DGKB: variants seen among roughly 807,000 people sequenced by gnomAD.
The protein encoded by DGKB is diacylglycerol kinase beta.
Under a neutral mutation model 114.3 loss-of-function variants are expected in DGKB, and 67 were observed. The ratio of observed to expected loss-of-function variants is 0.59; its 90% CI spans 0.48 to 0.72. The LOEUF (loss-of-function observed/expected upper bound fraction) is 0.72, where lower values mean the gene tolerates loss of function less well. Ranked by LOEUF, DGKB falls within the 30% of genes least tolerant of loss-of-function variation. The pLI is 0.00. For missense variants in DGKB, 907 were observed against 975.2 expected, an observed-to-expected ratio of 0.93 and a Z score of 0.93; for synonymous variants, 398 against 323.1, an observed-to-expected ratio of 1.23 and a Z score of -2.49.
chr7:14,802,996 G>T (rs1356869667), intron 2 of DGKB, among the ~76,000 whole-genome samples: 1 of 151,852 alleles, frequency 6.6e-6, no homozygotes, highest in Non-Finnish European at 1.5e-5. Context: ...AATAAACAAA[G>T]CACGTAAGGA....
intron 2 of DGKB, among the ~76,000 whole-genome samples, chr7:14,805,360 A>G (rs1842668687): frequency 6.6e-6 from 1 of 152,084 alleles, no homozygotes; most frequent in African/African-American, 2.4e-5. Flanking sequence ...GATTAGTGTA[A>G]GATTCTAGCT....
chr7:14,172,846 C>T (rs1781209597), intron 25 of DGKB, among the ~76,000 whole-genome samples: 1 of 152,040 alleles, frequency 6.6e-6, no homozygotes, highest in African/African-American at 2.4e-5. Flanking sequence ...CCACTCTATT[C>T]CCTCTACCCT....
rs1268016795 is a variant in DGKB, at chr7:14,231,078, TTTCC to T, written c.2123-52931_2123-52928del. ...AAGCAAGGTTAAAAATTCTTTCTTC[TTTCC>T]CTTTCTTTCTTTCTTTCTTTCTTTC... On this transcript the variant is annotated intron_variant, in intron 23 of 25. Transcript: ENST00000402815. Among the ~76,000 whole-genome samples the T allele has an allele frequency of 1.0e-4, 15 of 149,774 alleles. No homozygotes were observed. In the East Asian group the frequency reaches 1.6e-3, roughly 16 times the overall value.
At position 14,412,368 on chromosome 7, in the gene DGKB, A is replaced by T. The variant is rs528983671; in HGVS notation, c.1835+65793T>A. 1.4e-4 allele frequency among the ~76,000 whole-genome samples: 21 copies of T among 152,336 alleles called. No homozygotes were observed. In the East Asian group the frequency reaches 4.1e-3, roughly 29 times the overall value. The stretch of plus-strand genomic sequence containing the variant: ...GCTACAAAGGGACAATGTGATGTGG[A>T]AGAATGTAACAGGCACATTGACTTT... On this transcript the variant is annotated intron_variant, in intron 21 of 25. Transcript: ENST00000402815.
intron 2 of DGKB, among the ~76,000 whole-genome samples, chr7:14,779,719 G>A (rs1464962666): frequency 6.6e-6 from 1 of 151,962 alleles, no homozygotes; most frequent in African/African-American, 2.4e-5. Flanking sequence ...TGCTATAAAA[G>A]GTGAGAAATA....
In DGKB at chr7:14,145,081, G is replaced by A. The variant is rs998463768; in HGVS notation, c.*4050C>T. On this transcript the variant is annotated 3_prime_UTR_variant, in exon 26 of 26. Coordinates refer to ENST00000402815, the MANE Select transcript of DGKB (RefSeq NM_001350709.2). Reference sequence around the variant, plus strand: ...TTAACGTTTTTATTTCAAAAAACAGGATATTGTATATATCATTTCTGAGAA... The same window carrying A: ...TTAACGTTTTTATTTCAAAAAACAGAATATTGTATATATCATTTCTGAGAA... 1 of 152,006 alleles carries A rather than the reference G, an allele frequency of 6.6e-6. No individual in the cohort carries two copies. The highest frequency in any genetic ancestry group is 1.5e-5 in the Non-Finnish European group (1 of 68,002). 9.4% of individuals were successfully genotyped at this position (152,006 alleles called of 1,614,324 possible). A position where few individuals can be genotyped will look rare whatever the true frequency, so the allele number is the denominator to read the frequency against.
intron 2 of DGKB, among the ~76,000 whole-genome samples, chr7:14,793,654 A>G (rs73068688): frequency 0.11 from 16,710 of 152,184 alleles, 945 homozygotes; most frequent in South Asian, 0.14. Flanking sequence ...GTTTATGAAG[A>G]GTATATGCAT....
intron 23 of DGKB, among the ~76,000 whole-genome samples, chr7:14,197,443 C>T (rs1785190626): frequency 6.6e-6 from 1 of 151,802 alleles, no homozygotes; most frequent in African/African-American, 2.4e-5. Context: ...TTGATTGCTG[C>T]AGCTGTTCCC....
chr7:14,254,046 A>G (rs1317112453), intron 23 of DGKB, among the ~76,000 whole-genome samples: 1 of 152,206 alleles, frequency 6.6e-6, no homozygotes, highest in African/African-American at 2.4e-5. Flanking sequence ...TGCTGATACA[A>G]ACTTGTGAAG....
intron 25 of DGKB, among the ~76,000 whole-genome samples, chr7:14,150,406 A>G (rs1782019278): frequency 6.6e-6 from 1 of 152,138 alleles, no homozygotes; most frequent in Non-Finnish European, 1.5e-5. Context: ...AAAAAAATGT[A>G]CATCACGTGG....
rs186195066 is a variant in DGKB at position 14,168,903 on chromosome 7, A to C, written c.2304+7936T>G. Among the ~76,000 whole-genome samples the C allele has an allele frequency of 4.0e-3, 602 of 152,342 alleles. 2 individuals carry two copies. Among genetic ancestry groups the C allele is most frequent in the Non-Finnish European group, 6.4e-3 (436 of 68,024 alleles). On this transcript the variant is annotated intron_variant, in intron 25 of 25. Transcript: ENST00000402815. ...GAAGAGATTTTATTTTATTTTTAGT[A>C]TGTATGTATTTATATCTCATTGCCT...
At chr7:14,762,080 G>A (rs780728876) in intron 2 of DGKB, among the ~76,000 whole-genome samples, 22 of 152,104 alleles carry the variant, frequency 1.4e-4, no homozygotes, top group Non-Finnish European at 2.8e-4. Context: ...CATTTTCCCA[G>A]CAAGTAATTT....
At chr7:14,221,519 T>TATCA (rs1444278676) in intron 23 of DGKB, among the ~76,000 whole-genome samples, 1 of 151,462 alleles carries the variant, frequency 6.6e-6, no homozygotes, top group Non-Finnish European at 1.5e-5. Context: ...CTGGGATAAA[T>TATCA]ATCATTTGTT....
intron 2 of DGKB, among the ~76,000 whole-genome samples, chr7:14,764,046 G>C (rs1836099202): frequency 6.6e-6 from 1 of 151,820 alleles, no homozygotes; most frequent in Non-Finnish European, 1.5e-5. Context: ...TCCCCACATA[G>C]CTTTTTCCTC....
chr7:14,476,513 C>A (rs1056082946), intron 21 of DGKB, among the ~76,000 whole-genome samples: 8 of 152,038 alleles, frequency 5.3e-5, no homozygotes, highest in African/African-American at 1.9e-4. Context: ...TCACCACAAC[C>A]ACTTTGTTCC....
At chr7:14,365,351 C>T (rs1000070518) in intron 21 of DGKB, among the ~76,000 whole-genome samples, 1 of 151,936 alleles carries the variant, frequency 6.6e-6, no homozygotes, top group African/African-American at 2.4e-5. Context: ...GTTTTTGTCT[C>T]TCAGTAATTA....
At chr7:14,315,779 G>A (rs372031434) in intron 23 of DGKB, among the ~76,000 whole-genome samples, 4,710 of 150,650 alleles carry the variant, frequency 0.031, 79 homozygotes, top group South Asian at 0.058. Context: ...TGCACCAAGC[G>A]GACCTAATAG....
chr7:14,932,289 G>C (rs1347016028), intron 1 of DGKB, among the ~76,000 whole-genome samples: 1 of 152,098 alleles, frequency 6.6e-6, no homozygotes. Flanking sequence ...CTTCATCCCA[G>C]ATTTCAAATC....
chr7:14,691,220 C>T (rs1822809381), intron 9 of DGKB, among the ~76,000 whole-genome samples: 1 of 152,174 alleles, frequency 6.6e-6, no homozygotes, highest in Non-Finnish European at 1.5e-5. Context: ...ACTTCCTTTT[C>T]TGTGTAATTT....
Sources: gnomAD v4.1 joint callset for allele counts (sites outside exome capture counted in the v4.1 genomes callset) on GRCh38, gnomAD v4.1.1 for gene constraint, MANE v1.5 for transcripts, NCBI Gene and HGNC (gene_info 2026-07-23, HGNC 2026-07-21) for gene names.